NOXRED1: variants seen among roughly 807,000 people sequenced by gnomAD.
NOXRED1 encodes the protein NADP dependent oxidoreductase domain containing 1.
Under a neutral mutation model 30.4 loss-of-function variants are expected in NOXRED1, and 20 were observed. That is an observed-to-expected ratio of 0.66 (90% CI 0.46 to 0.96). The LOEUF is 0.96. NOXRED1 is among the 40% of genes least tolerant of loss of function. NOXRED1 has a pLI of 0.00. For synonymous variants in NOXRED1, 155 were observed against 168.0 expected (o/e 0.92, Z 0.60); for missense variants, 374 against 428.0 (o/e 0.87, Z 1.11).
At chr14:77,414,181 CTTTTTTT>C in intron 1 of NOXRED1, 54 bp from the exon 2 acceptor site, 60 of 717,338 alleles carry the variant, frequency 8.4e-5, no homozygotes, top group Middle Eastern at 3.7e-4. Context: ...ACTAGTTTTT[CTTTTTTT>C]TTTTTTTTTT....
chr14:77,422,658 T>TA (rs1381065847), intron 1 of NOXRED1, 77 bp downstream of exon 1: 26 of 1,445,236 alleles, frequency 1.8e-5, no homozygotes, highest in South Asian at 2.3e-5. Flanking sequence ...CCCTCCAATA[T>TA]AAAAAAAATT....
At chr14:77,405,216 G>A (rs1432049600) in intron 5 of NOXRED1, among the ~76,000 whole-genome samples, 2 of 152,126 alleles carry the variant, frequency 1.3e-5, no homozygotes, top group South Asian at 2.1e-4. Flanking sequence ...CCAACATGGC[G>A]AAACCCTGTA....
intron 2 of NOXRED1, among the ~76,000 whole-genome samples, chr14:77,409,689 G>C (rs1488189312): frequency 6.6e-6 from 1 of 151,984 alleles, no homozygotes; most frequent in Admixed American, 6.6e-5. Context: ...ACAACACATA[G>C]TGATATTTTA....
intron 1 of NOXRED1, among the ~76,000 whole-genome samples, chr14:77,422,305 AG>A (rs1371945067): frequency 6.6e-6 from 1 of 152,220 alleles, no homozygotes; most frequent in Non-Finnish European, 1.5e-5. Flanking sequence ...TCACTGGCAC[AG>A]GGCCTGTGAA....
chr14:77,414,193 T>C lies in NOXRED1; in HGVS notation c.156-66A>G, dbSNP rs538743562. 24 of 1,056,588 alleles carry C rather than the reference T, an allele frequency of 2.3e-5. No individual in the cohort carries two copies. In the African/African-American group the frequency reaches 3.9e-4, roughly 17 times the overall value. 65.5% of individuals were successfully genotyped at this position (1,056,588 alleles called of 1,614,324 possible). ...CACACTAGTTTTTCTTTTTTTTTTT[T>C]TTTTTTGAGACAGAGTCTTGCTTTG... On this transcript the variant is annotated intron_variant, in intron 1 of 5. Coordinates refer to ENST00000380835, the MANE Select transcript of NOXRED1 (RefSeq NM_001113475.3).
At chr14:77,416,924 G>T (rs959052673) in intron 1 of NOXRED1, among the ~76,000 whole-genome samples, 1 of 152,176 alleles carries the variant, frequency 6.6e-6, no homozygotes, top group East Asian at 1.9e-4. Flanking sequence ...TATTTTTAAC[G>T]TAGGCATTTA....
chr14:77,423,147 A>G lies in NOXRED1; in HGVS notation c.-258T>C, dbSNP rs778711045. 7 of 395,072 alleles carry G rather than the reference A, an allele frequency of 1.8e-5. No individual in the cohort carries two copies. Among genetic ancestry groups the G allele is most frequent in the Non-Finnish European group, 2.7e-5 (6 of 222,174 alleles). The allele number at this position is 395,072 out of a possible 1,614,324, so 24.5% of individuals were successfully genotyped here. A position where few individuals can be genotyped will look rare whatever the true frequency, so the allele number is the denominator to read the frequency against. On this transcript the variant is annotated 5_prime_UTR_variant, in exon 1 of 6. Transcript: ENST00000380835. ...GCCCATGAATCCTGGACTCATGAAA[A>G]ACCTGTACAGAAACCCAAAGTATTG... is the stretch of plus-strand genomic sequence containing the variant.
rs549719699 is a variant in NOXRED1 at position 77,404,082 on chromosome 14, A to G, written c.905+1831T>C. Among the ~76,000 whole-genome samples the G allele has an allele frequency of 4.6e-5, 7 of 152,356 alleles. No individual in the cohort carries two copies. In the East Asian group the frequency reaches 1.3e-3, roughly 29 times the overall value. ...TCTCAATAAAATAGAACGCTAGAAT[A>G]AAAACATCTCAAAGAGTCTCTGAAA... On this transcript the variant is annotated intron_variant, in intron 5 of 5. Coordinates refer to ENST00000380835, the MANE Select transcript of NOXRED1 (RefSeq NM_001113475.3).
intron 5 of NOXRED1, among the ~76,000 whole-genome samples, chr14:77,403,974 CA>C (rs1009483509): frequency 9.2e-5 from 14 of 152,158 alleles, no homozygotes; most frequent in Non-Finnish European, 1.6e-4. Flanking sequence ...CAGGCACGTT[CA>C]GGGTGGTATG....
intron 1 of NOXRED1, among the ~76,000 whole-genome samples, chr14:77,416,790 C>T (rs1894837190): frequency 3.3e-5 from 5 of 151,032 alleles, no homozygotes; most frequent in South Asian, 2.1e-4. Flanking sequence ...CGGGCAGAGG[C>T]GCCCCTCACC....
rs1894123710 is a variant in NOXRED1, at chr14:77,394,225, TG to T, written c.*405del. On this transcript the variant is annotated 3_prime_UTR_variant, in exon 6 of 6. Transcript: ENST00000380835. ...GTCCAAAATTGTGAGAAAATCAAACTGTATCTTTTTCCAGCTACCTACTGCT... is the reference window on the plus strand; with the variant it reads ...GTCCAAAATTGTGAGAAAATCAAACTTATCTTTTTCCAGCTACCTACTGCT... 1 of 153,994 alleles carries T rather than the reference TG, an allele frequency of 6.5e-6. No homozygotes were observed. Among genetic ancestry groups the T allele is most frequent in the African/African-American group, 2.4e-5 (1 of 41,520 alleles). The allele number at this position is 153,994 out of a possible 1,614,324, so 9.5% of individuals were successfully genotyped here. A position where few individuals can be genotyped will look rare whatever the true frequency, so the allele number is the denominator to read the frequency against.
intron 5 of NOXRED1, among the ~76,000 whole-genome samples, chr14:77,396,216 CATT>C (rs561972744): frequency 4.7e-4 from 71 of 149,750 alleles, no homozygotes; most frequent in African/African-American, 1.7e-3. Context: ...TTATACATGA[CATT>C]ATTATCTATG....
intron 1 of NOXRED1, among the ~76,000 whole-genome samples, chr14:77,417,140 C>CA (rs879495583): frequency 0.048 from 4,942 of 103,970 alleles, 104 homozygotes; most frequent in African/African-American, 0.08. Context: ...CTATTATGGT[C>CA]AAAAAAAAAA....
At chr14:77,408,222 T>G (rs1894537099) in intron 2 of NOXRED1, among the ~76,000 whole-genome samples, 1 of 152,142 alleles carries the variant, frequency 6.6e-6, no homozygotes, top group Admixed American at 6.5e-5. Flanking sequence ...TTCCAATTTT[T>G]TTTTAAGACA....
intron 5 of NOXRED1, among the ~76,000 whole-genome samples, chr14:77,404,538 A>G (rs1272781373): frequency 1.3e-5 from 2 of 152,202 alleles, no homozygotes; most frequent in Non-Finnish European, 2.9e-5. Flanking sequence ...AGAGATACAG[A>G]GTTATATGCT....
At chr14:77,400,937 A>C (rs1894310881) in intron 5 of NOXRED1, among the ~76,000 whole-genome samples, 2 of 152,236 alleles carry the variant, frequency 1.3e-5, no homozygotes, top group South Asian at 4.1e-4. Context: ...AAAACAACAA[A>C]ATAAATATAG....
chr14:77,406,788 C>T lies in NOXRED1; in HGVS notation c.618G>A (p.Lys206=), dbSNP rs1019086356. 2.5e-6 allele frequency: 4 copies of T among 1,613,886 alleles called. No homozygotes were observed. In the African/African-American group the frequency reaches 5.3e-5, roughly 22 times the overall value. The change falls in exon 4 of 6, where the codon AAG becomes AAA. Residue 206 remains lysine, a synonymous_variant. Transcript: ENST00000380835. ...EDSVSVWGAN[K]GVIAALQDPT... is the part of the protein sequence containing the mutation. ...GATCTTGGAGAGCAGCTATGACTCC[C>T]TTATTGGCCCCCCAGACGCTGACAG...
intron 4 of NOXRED1, 26 bp downstream of exon 4, chr14:77,406,698 A>G: frequency 6.2e-7 from 1 of 1,611,422 alleles, no homozygotes; most frequent in Non-Finnish European, 8.5e-7. Flanking sequence ...TTTCAAAAGA[A>G]TGCCAGAAAT....
At chr14:77,400,252 G>T (rs1894293146) in intron 5 of NOXRED1, among the ~76,000 whole-genome samples, 2 of 152,178 alleles carry the variant, frequency 1.3e-5, no homozygotes, top group Non-Finnish European at 2.9e-5. Flanking sequence ...CAGAAACACG[G>T]ATCTACATAA....
Sources: gnomAD v4.1 joint callset for allele counts (sites outside exome capture counted in the v4.1 genomes callset) on GRCh38, gnomAD v4.1.1 for gene constraint, MANE v1.5 for transcripts, NCBI Gene and HGNC (gene_info 2026-07-23, HGNC 2026-07-21) for gene names.